The following PDGFD variants were observed in gnomAD, a reference collection of about 807,000 sequenced individuals.
PDGFD encodes platelet derived growth factor D.
PDGFD carries 30 observed loss-of-function variants against 44.7 expected under a neutral mutation model. That is an observed-to-expected ratio of 0.67 (90% confidence interval 0.50 to 0.91). The LOEUF is 0.91. Among genes scored for constraint, PDGFD ranks in the 40% least tolerant of loss-of-function variants. PDGFD has a pLI of 0.00. For synonymous variants in PDGFD, 173 were observed against 168.4 expected (o/e 1.03, Z -0.21); for missense variants, 445 against 457.8 (o/e 0.97, Z 0.25).
intron 1 of PDGFD, among the ~76,000 whole-genome samples, chr11:104,021,624 C>A (rs11226115): frequency 0.096 from 14,630 of 152,160 alleles, 793 homozygotes; most frequent in African/African-American, 0.15. Flanking sequence ...TAGAGCAGAT[C>A]GATATCCAAC....
intron 5 of PDGFD, among the ~76,000 whole-genome samples, chr11:103,931,903 C>T (rs550987734): frequency 1.1e-4 from 17 of 152,138 alleles, no homozygotes; most frequent in Admixed American, 2.0e-4. Flanking sequence ...TGCATATTTA[C>T]CACATGGTGA....
intron 3 of PDGFD, among the ~76,000 whole-genome samples, chr11:103,977,849 C>T (rs1859206328): frequency 1.3e-5 from 2 of 151,988 alleles, no homozygotes; most frequent in South Asian, 4.2e-4. Flanking sequence ...AATATGGTTG[C>T]TAAGGCCAGC....
intron 6 of PDGFD, among the ~76,000 whole-genome samples, chr11:103,910,443 G>A (rs1858009767): frequency 6.6e-6 from 1 of 152,180 alleles, no homozygotes. Flanking sequence ...GCAGCCCACG[G>A]AAGGTGAGCT....
At chr11:104,045,954 A>G (rs1482233044) in intron 1 of PDGFD, among the ~76,000 whole-genome samples, 3 of 146,754 alleles carry the variant, frequency 2.0e-5, no homozygotes, top group Non-Finnish European at 3.0e-5. Context: ...TATGATAGGA[A>G]CTGTAAAGAG....
rs79673757 is a variant in PDGFD, at chr11:104,012,796, T to C, written c.125-12541A>G. Among the ~76,000 whole-genome samples, 530 of 152,336 alleles carry C rather than the reference T, an allele frequency of 3.5e-3. 7 individuals are homozygous for C. The highest frequency in any genetic ancestry group is 0.012 in the African/African-American group (496 of 41,574). ...CTCCGAAATCTGGGAAAATGAACTT[T>C]TAGTACTGTAATATTTAGAGCTATG... On this transcript the variant is annotated intron_variant, in intron 1 of 6. Coordinates refer to ENST00000393158, the MANE Select transcript of PDGFD (RefSeq NM_025208.5).
At chr11:104,042,786 C>G in intron 1 of PDGFD, among the ~76,000 whole-genome samples, 1 of 152,168 alleles carries the variant, frequency 6.6e-6, no homozygotes, top group Non-Finnish European at 1.5e-5. Context: ...TTACCCTACA[C>G]CATCAATCAC....
intron 6 of PDGFD, among the ~76,000 whole-genome samples, chr11:103,921,335 C>T (rs186808213): frequency 9.5e-4 from 145 of 152,128 alleles, no homozygotes; most frequent in African/African-American, 3.4e-3. Flanking sequence ...ACTCCTTGCG[C>T]GAAATTTATT....
chr11:103,999,745 T>C (rs558990363), intron 2 of PDGFD, among the ~76,000 whole-genome samples: 2 of 152,176 alleles, frequency 1.3e-5, no homozygotes, highest in African/African-American at 4.8e-5. Flanking sequence ...GCTGGATACC[T>C]GTGCATAAAT....
chr11:104,041,838 G>A (rs956141842), intron 1 of PDGFD, among the ~76,000 whole-genome samples: 2 of 152,148 alleles, frequency 1.3e-5, no homozygotes, highest in Admixed American at 6.5e-5. Context: ...AAGATAAATC[G>A]ATGTTTGCAG....
At chr11:104,156,248 G>A (rs1414012429) in intron 1 of PDGFD, among the ~76,000 whole-genome samples, 1 of 152,118 alleles carries the variant, frequency 6.6e-6, no homozygotes, top group African/African-American at 2.4e-5. Context: ...AGCTACTTGT[G>A]GAAGGGTGAG....
At chr11:104,109,250 G>T (rs757733784) in intron 1 of PDGFD, among the ~76,000 whole-genome samples, 1 of 151,978 alleles carries the variant, frequency 6.6e-6, no homozygotes, top group Non-Finnish European at 1.5e-5. Context: ...AAGAACACAA[G>T]TGAAAGTTTA....
chr11:104,051,406 C>T (rs536640585), intron 1 of PDGFD, among the ~76,000 whole-genome samples: 1 of 152,120 alleles, frequency 6.6e-6, no homozygotes, highest in Admixed American at 6.5e-5. Flanking sequence ...TGCTAGTGAC[C>T]TTTCTAGTTG....
In PDGFD at chr11:104,000,210, T is replaced by C; in HGVS notation, c.170A>G (p.Gln57Arg). The change falls in exon 2 of 7, where the codon CAG becomes CGG. Residue 57 changes from glutamine (Q) to arginine (R), a missense_variant. Gln to Arg is a conservative substitution (Grantham distance 43). Coordinates refer to ENST00000393158, the MANE Select transcript of PDGFD (RefSeq NM_025208.5). Reference protein sequence around the residue: ...TDLYRRDETIQVKGNGYVQSP... With the variant: ...TDLYRRDETIRVKGNGYVQSP... ...CTGCACGTAGCCGTTTCCTTTCACC[T>C]GGATGGTCTCATCTCTTCGGTACAA... The C allele has an allele frequency of 6.2e-7, 1 of 1,614,096 alleles. No individual in the cohort carries two copies. The highest frequency in any genetic ancestry group is 8.5e-7 in the Non-Finnish European group (1 of 1,180,010).
chr11:104,017,688 C>T (rs1234587432), intron 1 of PDGFD, among the ~76,000 whole-genome samples: 1 of 152,166 alleles, frequency 6.6e-6, no homozygotes, highest in Non-Finnish European at 1.5e-5. Context: ...GGGTGTGTGA[C>T]ATATGCCTTA....
intron 6 of PDGFD, among the ~76,000 whole-genome samples, chr11:103,923,339 C>T (rs1466204946): frequency 6.6e-6 from 1 of 152,124 alleles, no homozygotes; most frequent in Non-Finnish European, 1.5e-5. Context: ...CCGCTCAAAA[C>T]CCTACAGGAC....
chr11:104,099,673 A>C (rs1861341865), intron 1 of PDGFD, among the ~76,000 whole-genome samples: 1 of 143,624 alleles, frequency 7.0e-6, no homozygotes, highest in Non-Finnish European at 1.5e-5. Context: ...TAATAATAAT[A>C]ATAAATCAAA....
intron 1 of PDGFD, among the ~76,000 whole-genome samples, chr11:104,143,161 G>A (rs1425276628): frequency 1.3e-5 from 2 of 152,174 alleles, no homozygotes; most frequent in Non-Finnish European, 2.9e-5. Context: ...TAAAAGGTCT[G>A]CTGTGTTTTT....
chr11:103,917,893 G>A lies in PDGFD; in HGVS notation c.988-8074C>T, dbSNP rs370076684. On this transcript the variant is annotated intron_variant, in intron 6 of 6. Transcript: ENST00000393158. ...GCTTGAACTTTTGTCCTAGGTGAAA[G>A]TTAGATGCCTGGAGTCCCCTGCACT... 2.6e-3 allele frequency among the ~76,000 whole-genome samples: 397 copies of A among 152,314 alleles called. 3 individuals carry two copies. The South Asian group carries it at 0.052, about 20-fold the overall frequency.
intron 1 of PDGFD, among the ~76,000 whole-genome samples, chr11:104,045,671 G>GTTTTTTTTTTTGTTTTTTTTTTTTTTTT (rs1424736218): frequency 3.4e-5 from 5 of 148,358 alleles, no homozygotes; most frequent in Admixed American, 6.8e-5. Context: ...TAGGTTTTGA[G>GTTTTTTTTTTTGTTTTTTTTTTTTTTTT]TTTTTTAAGA....
Sources: gnomAD v4.1 joint callset for allele counts (sites outside exome capture counted in the v4.1 genomes callset) on GRCh38, gnomAD v4.1.1 for gene constraint, MANE v1.5 for transcripts, NCBI Gene and HGNC (gene_info 2026-07-23, HGNC 2026-07-21) for gene names.